Variants in NT5C1A observed in about 807,000 individuals in gnomAD.
The protein encoded by NT5C1A is 5'-nucleotidase, cytosolic IA.
A neutral mutation model predicts 31.0 loss-of-function variants in NT5C1A; 18 were observed. That is an observed-to-expected ratio of 0.58 (90% confidence interval 0.40 to 0.86). The LOEUF (loss-of-function observed/expected upper bound fraction) is 0.86, where lower values mean the gene tolerates loss of function less well. NT5C1A is among the 40% of genes least tolerant of loss of function. NT5C1A has a pLI of 0.00. For missense variants in NT5C1A, 470 were observed against 505.4 expected (o/e 0.93, Z 0.67); for synonymous variants, 185 against 203.6 (o/e 0.91, Z 0.78).
In NT5C1A at chr1:39,653,627, C is replaced by CGGGAGAGAAAAG. The variant is rs1003615651; in HGVS notation, c.*5493_*5494insCTTTTCTCTCCC. Reference sequence around the variant, plus strand: ...ACCGTGGGGAGAGTCCAGCGCAGCACTAAGTCAGTGGGAGAGAAAAGTAAA... The same window carrying CGGGAGAGAAAAG: ...ACCGTGGGGAGAGTCCAGCGCAGCACGGGAGAGAAAAGTAAGTCAGTGGGAGAGAAAAGTAAA... On this transcript the variant is annotated 3_prime_UTR_variant, in exon 6 of 6. Coordinates refer to ENST00000235628, the MANE Select transcript of NT5C1A (RefSeq NM_032526.3). 6.6e-6 allele frequency among the ~76,000 whole-genome samples: 1 copy of CGGGAGAGAAAAG among 152,174 alleles called. No homozygotes were observed. Among genetic ancestry groups the CGGGAGAGAAAAG allele is most frequent in the Non-Finnish European group, 1.5e-5 (1 of 68,032 alleles).
At chr1:39,668,880 C>A (rs1195593377) in intron 1 of NT5C1A, among the ~76,000 whole-genome samples, 1 of 152,220 alleles carries the variant, frequency 6.6e-6, no homozygotes, top group Non-Finnish European at 1.5e-5. Flanking sequence ...ATCCCAGAGG[C>A]CATGGCTGTG....
intron 1 of NT5C1A, among the ~76,000 whole-genome samples, chr1:39,669,589 A>T (rs1646539947): frequency 6.6e-6 from 1 of 152,218 alleles, no homozygotes; most frequent in South Asian, 2.1e-4. Flanking sequence ...GGAGCTGGGA[A>T]GCCTCCAGGC....
intron 1 of NT5C1A, among the ~76,000 whole-genome samples, chr1:39,667,623 C>G (rs973089868): frequency 3.9e-5 from 6 of 152,132 alleles, no homozygotes; most frequent in African/African-American, 1.2e-4. Context: ...GGGCTCCAAT[C>G]AGTTGACAAC....
intron 1 of NT5C1A, 37 bp downstream of exon 1, chr1:39,671,867 T>A: frequency 3.1e-6 from 5 of 1,610,800 alleles, no homozygotes; most frequent in Non-Finnish European, 4.2e-6. Flanking sequence ...GGGGTAACCC[T>A]TCCCCCGTCC....
chr1:39,671,898 T>C lies in NT5C1A; in HGVS notation c.135+6A>G. The C allele has an allele frequency of 6.2e-7, 1 of 1,613,320 alleles. No homozygotes were observed. The highest frequency in any genetic ancestry group is 1.1e-5 in the South Asian group (1 of 91,078). ...CGTCCCCCGCATACCCGTGCATTGC[T>C]TTTACCGATTTGGGTTTCTTCTTGG... On this transcript the variant is annotated splice_donor_region_variant and intron_variant, in intron 1 of 5. Transcript: ENST00000235628.
chr1:39,665,699 C>A (rs1646518051), intron 2 of NT5C1A, 49 bp from the exon 3 acceptor site: 1 of 1,587,244 alleles, frequency 6.3e-7, no homozygotes, highest in African/African-American at 1.4e-5. Flanking sequence ...GGATTGATAC[C>A]TGAAGTTGGT....
rs140735713 is a variant in NT5C1A at position 39,666,108 on chromosome 1, G to A, written c.264C>T (p.Asn88=). The A allele has an allele frequency of 8.1e-5, 131 of 1,613,666 alleles. 1 individual carries two copies. The highest frequency in any genetic ancestry group is 6.7e-4 in the African/African-American group (50 of 75,068). The change falls in exon 2 of 6, where the codon AAC becomes AAT. Residue 88 remains asparagine (N), a synonymous_variant. Coordinates refer to ENST00000235628, the MANE Select transcript of NT5C1A (RefSeq NM_032526.3). ...EYVRYQLEHE[N]EPFSPGPAFP... Reference sequence around the variant, plus strand: ...AGGCTGGCCCGGGACTGAAGGGTTCGTTCTCATGTTCCAGCTGGTAGCGCA... The same window carrying A: ...AGGCTGGCCCGGGACTGAAGGGTTCATTCTCATGTTCCAGCTGGTAGCGCA...
rs1181681639 is a variant in NT5C1A, at chr1:39,652,237, A to T, written c.*6884T>A. Among the ~76,000 whole-genome samples, 2 of 151,854 alleles carry T rather than the reference A, an allele frequency of 1.3e-5. No homozygotes were observed. The highest frequency in any genetic ancestry group is 2.9e-5 in the Non-Finnish European group (2 of 67,958). On this transcript the variant is annotated 3_prime_UTR_variant, in exon 6 of 6. Transcript: ENST00000235628. ...CTGGGCCAGCGGATGCAAACTGGAG[A>T]TTCAAGGGCCGGATCTCGCCTACAG...
rs1305758785 is a variant in NT5C1A, at chr1:39,657,108, C to T, written c.*2013G>A. ...CTTCCAGGGGCAATAATGCCAGTGT[C>T]CCCTGATAAAGCAGTCACTGTGGGT... On this transcript the variant is annotated 3_prime_UTR_variant, in exon 6 of 6. Transcript: ENST00000235628. 2.0e-5 allele frequency among the ~76,000 whole-genome samples: 3 copies of T among 152,300 alleles called. 1 individual carries two copies. The East Asian group carries it at 5.8e-4, about 29-fold the overall frequency.
chr1:39,653,696 G>A lies in NT5C1A; in HGVS notation c.*5425C>T, dbSNP rs1431856916. 3.9e-5 allele frequency among the ~76,000 whole-genome samples: 6 copies of A among 152,152 alleles called. No individual in the cohort carries two copies. Among genetic ancestry groups the A allele is most frequent in the African/African-American group, 1.4e-4 (6 of 41,422 alleles). ...TGACTACTGCCAGCAGCTGCGTGCC[G>A]GCCTGCAGTGCCACCTACTGGCAGA... is the stretch of plus-strand genomic sequence containing the variant. On this transcript the variant is annotated 3_prime_UTR_variant, in exon 6 of 6. Coordinates refer to ENST00000235628, the MANE Select transcript of NT5C1A (RefSeq NM_032526.3).
rs1646430769 is a variant in NT5C1A at position 39,651,265 on chromosome 1, T to G, written c.*7856A>C. Among the ~76,000 whole-genome samples, 1 of 152,214 alleles carries G rather than the reference T, an allele frequency of 6.6e-6. No homozygotes were observed. Among genetic ancestry groups the G allele is most frequent in the African/African-American group, 2.4e-5 (1 of 41,452 alleles). On this transcript the variant is annotated 3_prime_UTR_variant, in exon 6 of 6. Coordinates refer to ENST00000235628, the MANE Select transcript of NT5C1A (RefSeq NM_032526.3). ...CCTCTCCATTTATTTGAATGGCTTT[T>G]AAGAAGCAGAAGCACATGTGGTAAA...
In NT5C1A at chr1:39,654,767, C is replaced by T. The variant is rs1167195615; in HGVS notation, c.*4354G>A. Among the ~76,000 whole-genome samples, 3 of 152,246 alleles carry T rather than the reference C, an allele frequency of 2.0e-5. No individual in the cohort carries two copies. The highest frequency in any genetic ancestry group is 4.4e-5 in the Non-Finnish European group (3 of 68,044). On this transcript the variant is annotated 3_prime_UTR_variant, in exon 6 of 6. Coordinates refer to ENST00000235628, the MANE Select transcript of NT5C1A (RefSeq NM_032526.3). ...TGGCTCATCCCACTGAGGCATCAGC[C>T]AGGCTGTCTGCCTTGGCCCAGGGGT...
At chr1:39,667,191 C>T (rs1010352854) in intron 1 of NT5C1A, among the ~76,000 whole-genome samples, 2 of 135,916 alleles carry the variant, frequency 1.5e-5, no homozygotes, top group Non-Finnish European at 1.5e-5. Flanking sequence ...TCATACTTTC[C>T]CCCTCTTTTT....
chr1:39,669,474 GC>G (rs1000641732), intron 1 of NT5C1A, among the ~76,000 whole-genome samples: 1 of 152,128 alleles, frequency 6.6e-6, no homozygotes, highest in Admixed American at 6.5e-5. Flanking sequence ...TTTTACTCAG[GC>G]CCCTGGGAAT....
intron 1 of NT5C1A, among the ~76,000 whole-genome samples, chr1:39,671,275 A>C (rs1196380936): frequency 2.0e-5 from 3 of 152,204 alleles, no homozygotes; most frequent in Non-Finnish European, 2.9e-5. Flanking sequence ...GTTAATGCCC[A>C]CTGCAAGGGG....
In NT5C1A at chr1:39,666,221, C is replaced by T. The variant is rs1260387266; in HGVS notation, c.151G>A (p.Ala51Thr). ...KKPKSPKPQN[A>T]VTIAVSSRAL... Reference sequence around the variant, plus strand: ...CGGGAGGACACAGCGATGGTGACTGCATTCTGAGGCTTGGGCTGCAGAGGT... The same window carrying T: ...CGGGAGGACACAGCGATGGTGACTGTATTCTGAGGCTTGGGCTGCAGAGGT... The change falls in exon 2 of 6, where the codon GCA becomes ACA. Residue 51 changes from alanine (A) to threonine (T), a missense_variant. Physicochemically the swap from Ala to Thr is moderately conservative, Grantham distance 58 (BLOSUM62 0). Coordinates refer to ENST00000235628, the MANE Select transcript of NT5C1A (RefSeq NM_032526.3). 6.2e-7 allele frequency: 1 copy of T among 1,613,438 alleles called. No homozygotes were observed. The highest frequency in any genetic ancestry group is 1.7e-5 in the Admixed American group (1 of 60,010).
Position 39,652,825 on chromosome 1 carries a change from A to G in NT5C1A, c.*6296T>C, listed in dbSNP as rs183801825. ...GGGAGATACTTCCCAATTAAGGTCA[A>G]TGGTAAGTCACTTCTGGGCCACATT... On this transcript the variant is annotated 3_prime_UTR_variant, in exon 6 of 6. Coordinates refer to ENST00000235628, the MANE Select transcript of NT5C1A (RefSeq NM_032526.3). 9.9e-5 allele frequency among the ~76,000 whole-genome samples: 15 copies of G among 152,146 alleles called. No homozygotes were observed. The East Asian group carries it at 2.1e-3, about 22-fold the overall frequency.
At chr1:39,664,702 T>C (rs924155437) in intron 3 of NT5C1A, among the ~76,000 whole-genome samples, 1 of 150,598 alleles carries the variant, frequency 6.6e-6, no homozygotes, top group African/African-American at 2.4e-5. Flanking sequence ...CATGTTAGGC[T>C]GGTTTTGAAC....
At position 39,652,164 on chromosome 1, in the gene NT5C1A, T is replaced by C. The variant is rs187657336; in HGVS notation, c.*6957A>G. On this transcript the variant is annotated 3_prime_UTR_variant, in exon 6 of 6. Transcript: ENST00000235628. Reference sequence around the variant, plus strand: ...CATCACTGAGAATCTGAGTGTAATATCCTCAGACTCTCAGTGACTTGGGTC... The same window carrying C: ...CATCACTGAGAATCTGAGTGTAATACCCTCAGACTCTCAGTGACTTGGGTC... 6.8e-6 allele frequency among the ~76,000 whole-genome samples: 1 copy of C among 147,276 alleles called. No homozygotes were observed. Among genetic ancestry groups the C allele is most frequent in the Admixed American group, 6.8e-5 (1 of 14,662 alleles).
Sources: gnomAD v4.1 joint callset for allele counts (sites outside exome capture counted in the v4.1 genomes callset) on GRCh38, gnomAD v4.1.1 for gene constraint, MANE v1.5 for transcripts, NCBI Gene and HGNC (gene_info 2026-07-23, HGNC 2026-07-21) for gene names.